Variants in DNAH14 observed in about 807,000 individuals in gnomAD.
DNAH14 encodes the protein dynein axonemal heavy chain 14.
A neutral mutation model predicts 520.9 loss-of-function variants in DNAH14; 478 were observed. The observed-to-expected ratio is 0.92, with a 90% CI of 0.85 to 0.99. The LOEUF (loss-of-function observed/expected upper bound fraction) is 0.99, where lower values mean the gene tolerates loss of function less well. Ranked by LOEUF, DNAH14 falls within the 50% of genes least tolerant of loss-of-function variation. The pLI is 0.00. For missense variants in DNAH14, 4,831 were observed against 5,234.5 expected, an observed-to-expected ratio of 0.92 and a Z score of 2.38; for synonymous variants, 1,581 against 1,757.2, an observed-to-expected ratio of 0.90 and a Z score of 2.51.
chr1:225,378,433 G>A (rs1187035821), intron 79 of DNAH14, among the ~76,000 whole-genome samples: 3 of 152,292 alleles, frequency 2.0e-5, no homozygotes, highest in African/African-American at 7.2e-5. Context: ...TCAAAACAGT[G>A]TGATGACAAA....
At chr1:225,386,269 T>A (rs1423857833) in intron 81 of DNAH14, among the ~76,000 whole-genome samples, 3 of 152,182 alleles carry the variant, frequency 2.0e-5, no homozygotes, top group Non-Finnish European at 4.4e-5. Context: ...CCTAAAACCA[T>A]GAAAACTCTA....
Position 225,322,680 on chromosome 1 carries a change from C to T in DNAH14, c.9352C>T (p.Pro3118Ser). 2 of 1,540,362 alleles carry T rather than the reference C, an allele frequency of 1.3e-6. No homozygotes were observed. Among genetic ancestry groups the T allele is most frequent in the South Asian group, 1.2e-5 (1 of 83,092 alleles). The stretch of plus-strand genomic sequence containing the variant: ...CTATTACAGAGTATACACACGGCCT[C>T]CCTTCCTTGTACTGACTGTCATGAA... The part of the protein sequence containing the change: ...VAELRVYTRP[P>S]FLVLTVMNAV... The change falls in exon 62 of 86, where the codon CCC becomes TCC. Residue 3118 changes from proline to serine, a missense_variant. By Grantham distance (74) the Pro-to-Ser change is moderately conservative. Coordinates refer to ENST00000682510, the MANE Select transcript of DNAH14 (RefSeq NM_001367479.1).
chr1:225,360,446 C>T (rs1016620685), intron 74 of DNAH14, among the ~76,000 whole-genome samples: 2 of 152,150 alleles, frequency 1.3e-5, no homozygotes, highest in African/African-American at 4.8e-5. Context: ...AGGTAGATGT[C>T]GGAGAAGACA....
chr1:225,227,804 A>G (rs1196374496), intron 41 of DNAH14, among the ~76,000 whole-genome samples: 1 of 152,152 alleles, frequency 6.6e-6, no homozygotes, highest in Non-Finnish European at 1.5e-5. Flanking sequence ...AATTCCAGTA[A>G]CAATTATATT....
chr1:225,358,248 A>ACTC (rs1483229634), intron 73 of DNAH14, among the ~76,000 whole-genome samples: 1 of 152,166 alleles, frequency 6.6e-6, no homozygotes, highest in Non-Finnish European at 1.5e-5. Context: ...GCAAGAGCTC[A>ACTC]CTCAGAGTGT....
intron 21 of DNAH14, among the ~76,000 whole-genome samples, chr1:225,086,405 ATTACAG>A (rs2073806523): frequency 1.3e-5 from 2 of 152,040 alleles, no homozygotes; most frequent in African/African-American, 4.8e-5. Context: ...AAGTACTGGG[ATTACAG>A]GCATGAGCCA....
intron 55 of DNAH14, among the ~76,000 whole-genome samples, chr1:225,297,829 T>C (rs2094044387): frequency 6.6e-6 from 1 of 152,212 alleles, no homozygotes; most frequent in South Asian, 2.1e-4. Context: ...GCTGGGGGCA[T>C]GGGCATACAG....
chr1:225,325,732 C>T (rs939641856), intron 64 of DNAH14, among the ~76,000 whole-genome samples: 1 of 152,070 alleles, frequency 6.6e-6, no homozygotes, highest in African/African-American at 2.4e-5. Flanking sequence ...TATCTTTTGA[C>T]CTATTACAGT....
At chr1:225,163,168 AAG>A (rs1344517047) in intron 35 of DNAH14, among the ~76,000 whole-genome samples, 4 of 151,384 alleles carry the variant, frequency 2.6e-5, no homozygotes, top group Non-Finnish European at 5.9e-5. Flanking sequence ...AAAAAGGAAA[AAG>A]AAATGCTACT....
chr1:225,373,458 C>G (rs1558557394), intron 77 of DNAH14, among the ~76,000 whole-genome samples: 2 of 134,940 alleles, frequency 1.5e-5, no homozygotes, highest in African/African-American at 5.5e-5. Context: ...AGCAAGACTC[C>G]GTCAAGAAAG....
At chr1:225,216,229 T>C (rs2089296097) in intron 41 of DNAH14, among the ~76,000 whole-genome samples, 1 of 152,210 alleles carries the variant, frequency 6.6e-6, no homozygotes, top group Non-Finnish European at 1.5e-5. Flanking sequence ...TGGCTCCCAC[T>C]CTCTTCTGGC....
rs555251815 is a variant in DNAH14 at position 225,240,922 on chromosome 1, A to G, written c.6748+100A>G. ...ATTAGGTTCATCTTTTAAAATGTTA[A>G]GATTGAAGGAAAAAGAAGGTTTATA... On this transcript the variant is annotated intron_variant, in intron 43 of 85. Coordinates refer to ENST00000682510, the MANE Select transcript of DNAH14 (RefSeq NM_001367479.1). 1.6e-5 allele frequency: 15 copies of G among 927,400 alleles called. No individual in the cohort carries two copies. The African/African-American group carries it at 2.5e-4, about 15-fold the overall frequency. 57.4% of individuals were successfully genotyped at this position (927,400 alleles called of 1,614,324 possible). A position where few individuals can be genotyped will look rare whatever the true frequency, so the allele number is the denominator to read the frequency against.
intron 1 of DNAH14, among the ~76,000 whole-genome samples, chr1:224,937,054 G>A (rs2501074): frequency 0.096 from 14,568 of 151,902 alleles, 2,253 homozygotes; most frequent in African/African-American, 0.33. Context: ...AATGAGTATA[G>A]AAGGAACATA....
intron 44 of DNAH14, among the ~76,000 whole-genome samples, chr1:225,256,766 A>G (rs1029668510): frequency 6.6e-6 from 1 of 152,212 alleles, no homozygotes; most frequent in Non-Finnish European, 1.5e-5. Flanking sequence ...GGAAATAATG[A>G]GGACAGATTA....
At chr1:225,032,796 T>G (rs1377919899) in intron 11 of DNAH14, among the ~76,000 whole-genome samples, 1 of 152,190 alleles carries the variant, frequency 6.6e-6, no homozygotes, top group South Asian at 2.1e-4. Context: ...AGATGGTATC[T>G]TATTGTGGTT....
Position 225,353,836 on chromosome 1 carries a change from A to G in DNAH14, c.11567A>G (p.Asn3856Ser). The G allele has an allele frequency of 6.6e-7, 1 of 1,521,672 alleles. No homozygotes were observed. The highest frequency in any genetic ancestry group is 8.9e-7 in the Non-Finnish European group (1 of 1,125,064). The allele number at this position is 1,521,672 out of a possible 1,614,324, so 94.3% of individuals were successfully genotyped here. A position where few individuals can be genotyped will look rare whatever the true frequency, so the allele number is the denominator to read the frequency against. Residue 3856 changes from asparagine (N) to serine (S), a missense_variant, in exon 73 of 86, where the codon AAT (asparagine) becomes AGT (serine). Coordinates refer to ENST00000682510, the MANE Select transcript of DNAH14 (RefSeq NM_001367479.1). ...TTGAATGAAAATAAAGAAACGTGTA[A>G]TCCTATAAATTTTCCCTGGGAGAAA... The part of the protein sequence containing the change: ...ELLNENKETC[N>S]PINFPWEKLT...
intron 17 of DNAH14, among the ~76,000 whole-genome samples, chr1:225,058,786 G>C (rs1255134637): frequency 6.6e-6 from 1 of 152,076 alleles, no homozygotes; most frequent in Non-Finnish European, 1.5e-5. Context: ...ATTTCGTTAT[G>C]TACCCAGTAG....
At chr1:225,292,378 T>C (rs1394829959) in intron 55 of DNAH14, among the ~76,000 whole-genome samples, 2 of 152,194 alleles carry the variant, frequency 1.3e-5, no homozygotes, top group South Asian at 4.1e-4. Flanking sequence ...TTGTATGTTC[T>C]CAGTGCATTT....
At chr1:225,189,727 T>C (rs553999533) in intron 37 of DNAH14, among the ~76,000 whole-genome samples, 1 of 152,136 alleles carries the variant, frequency 6.6e-6, no homozygotes, top group East Asian at 1.9e-4. Context: ...ATTTGGATCA[T>C]GTTTTTGTTT....
Sources: gnomAD v4.1 joint callset for allele counts (sites outside exome capture counted in the v4.1 genomes callset) on GRCh38, gnomAD v4.1.1 for gene constraint, MANE v1.5 for transcripts, NCBI Gene and HGNC (gene_info 2026-07-23, HGNC 2026-07-21) for gene names.